The following OPHN1 variants were observed in gnomAD, a reference collection of about 807,000 sequenced individuals.
The protein encoded by OPHN1 is oligophrenin-1.
OPHN1 carries 11 observed loss-of-function variants against 60.7 expected under a neutral mutation model. The ratio of observed to expected loss-of-function variants is 0.18; its 90% confidence interval spans 0.11 to 0.30. The LOEUF (loss-of-function observed/expected upper bound fraction) is 0.30. OPHN1 is among the 10% of genes least tolerant of loss of function. OPHN1 has a pLI of 1.00. For missense variants in OPHN1, 449 were observed against 611.0 expected, an observed-to-expected ratio of 0.73 and a Z score of 2.80; for synonymous variants, 226 against 222.6, an observed-to-expected ratio of 1.02 and a Z score of -0.14.
chrX:68,194,763 G>A (rs1474548910), intron 12 of OPHN1, among the ~76,000 whole-genome samples: 1 of 110,196 alleles, frequency 9.1e-6, no homozygotes, highest in African/African-American at 3.3e-5. Context: ...GAGGTCAGGA[G>A]TTTAAGACCA....
rs556612809 is a variant in OPHN1, at chrX:68,212,654, C to T, written c.598-442G>A. ...GGTGTTTACCCAGTATAGCGCTAAA[C>T]GCAGTCAAACACAAACCAGTCTACA... On this transcript the variant is annotated intron_variant, in intron 7 of 24. Transcript: ENST00000355520. Among the ~76,000 whole-genome samples the T allele has an allele frequency of 3.8e-4, 43 of 112,272 alleles. 1 individual carries two copies. In the South Asian group the frequency reaches 0.011, roughly 30 times the overall value.
At chrX:68,389,258 G>A (rs1394555053) in intron 2 of OPHN1, among the ~76,000 whole-genome samples, 2 of 108,554 alleles carry the variant, frequency 1.8e-5, no homozygotes, top group Non-Finnish European at 3.8e-5. Flanking sequence ...CACCTGGCCA[G>A]AACATGTTTT....
chrX:68,408,118 A>C (rs1004840457), intron 2 of OPHN1, among the ~76,000 whole-genome samples: 5 of 112,025 alleles, frequency 4.5e-5, no homozygotes, highest in Non-Finnish European at 7.5e-5. Flanking sequence ...TGCTTTCTTA[A>C]ATGGTTTTTG....
chrX:68,304,023 A>T (rs1388270722), intron 2 of OPHN1, among the ~76,000 whole-genome samples: 4 of 111,696 alleles, frequency 3.6e-5, no homozygotes, highest in Non-Finnish European at 5.6e-5. Context: ...ATGCAGTGTG[A>T]CTATAGTTAA....
chrX:68,190,124 G>T (rs746318971), intron 15 of OPHN1, among the ~76,000 whole-genome samples: 2 of 111,708 alleles, frequency 1.8e-5, no homozygotes, highest in Non-Finnish European at 1.9e-5. Flanking sequence ...GTGAAAAGAA[G>T]CAAGACAGCT....
intron 19 of OPHN1, among the ~76,000 whole-genome samples, chrX:68,081,197 A>C (rs2147381470): frequency 9.0e-6 from 1 of 111,512 alleles, no homozygotes; most frequent in South Asian, 3.8e-4. Context: ...AAATAATAGA[A>C]CTTTTTTTTT....
At chrX:68,136,879 T>C (rs1042915695) in intron 15 of OPHN1, among the ~76,000 whole-genome samples, 1 of 111,791 alleles carries the variant, frequency 8.9e-6, no homozygotes, top group Non-Finnish European at 1.9e-5. Flanking sequence ...TAAATATGTG[T>C]AAAAATATTT....
intron 7 of OPHN1, among the ~76,000 whole-genome samples, chrX:68,213,277 G>T (rs373031632): frequency 9.0e-6 from 1 of 111,556 alleles, no homozygotes; most frequent in African/African-American, 3.3e-5. Context: ...AGGCTGAGGT[G>T]GGAGGATCAC....
chrX:68,386,932 T>A (rs1041546479), intron 2 of OPHN1, among the ~76,000 whole-genome samples: 1 of 111,504 alleles, frequency 9.0e-6, no homozygotes, highest in Admixed American at 9.6e-5. Flanking sequence ...CAACACCTTG[T>A]TGCCATCTAA....
At chrX:68,056,315 T>G (rs1043117255) in intron 21 of OPHN1, among the ~76,000 whole-genome samples, 1 of 111,236 alleles carries the variant, frequency 9.0e-6, no homozygotes, top group East Asian at 2.8e-4. Flanking sequence ...AACACCCTAG[T>G]AGGTATATGT....
At chrX:68,126,032 C>T (rs1197260843) in intron 15 of OPHN1, among the ~76,000 whole-genome samples, 3 of 99,025 alleles carry the variant, frequency 3.0e-5, no homozygotes, top group Non-Finnish European at 6.1e-5. Context: ...TTTTAAAAAT[C>T]CTTCATCATG....
chrX:68,360,675 C>T (rs771047768), intron 2 of OPHN1, among the ~76,000 whole-genome samples: 1 of 110,709 alleles, frequency 9.0e-6, no homozygotes, highest in East Asian at 2.9e-4. Flanking sequence ...CCCACCCACT[C>T]GGAAGGCTGA....
chrX:68,332,034 C>CATAAATAA (rs751574373), intron 2 of OPHN1, among the ~76,000 whole-genome samples: 44 of 108,478 alleles, frequency 4.1e-4, no homozygotes, highest in East Asian at 4.0e-3. Context: ...GACTCTGTCT[C>CATAAATAA]ATAAATAAAT....
intron 5 of OPHN1, among the ~76,000 whole-genome samples, chrX:68,266,597 A>G (rs1488554102): frequency 8.9e-6 from 1 of 111,831 alleles, no homozygotes; most frequent in Non-Finnish European, 1.9e-5. Flanking sequence ...AAGACTATCA[A>G]TGCTAGGAAG....
chrX:68,355,656 G>T (rs2078436350), intron 2 of OPHN1, among the ~76,000 whole-genome samples: 1 of 112,233 alleles, frequency 8.9e-6, no homozygotes, highest in Admixed American at 9.6e-5. Context: ...TCAAAATACA[G>T]CAATTGCTGG....
intron 15 of OPHN1, among the ~76,000 whole-genome samples, chrX:68,167,230 T>C (rs1353492219): frequency 9.0e-6 from 1 of 111,132 alleles, no homozygotes; most frequent in Non-Finnish European, 1.9e-5. Context: ...AGAAGACAAA[T>C]GGGTATATGA....
intron 4 of OPHN1, among the ~76,000 whole-genome samples, chrX:68,281,809 A>C (rs1569268189): frequency 8.9e-6 from 1 of 112,469 alleles, no homozygotes; most frequent in South Asian, 3.6e-4. Context: ...AGCATATGGA[A>C]AGATGCTCTG....
chrX:68,201,020 A>G (rs1484880081), intron 11 of OPHN1, among the ~76,000 whole-genome samples: 1 of 112,004 alleles, frequency 8.9e-6, no homozygotes, highest in Non-Finnish European at 1.9e-5. Context: ...AGGTTCAAGT[A>G]AAAAAAGAGG....
intron 5 of OPHN1, among the ~76,000 whole-genome samples, chrX:68,269,450 T>C (rs1437148939): frequency 9.0e-6 from 1 of 111,640 alleles, no homozygotes; most frequent in African/African-American, 3.3e-5. Context: ...TACAACCATA[T>C]GATCTTTGAC....
Sources: allele counts gnomAD v4.1 joint callset (sites outside exome capture counted in the v4.1 genomes callset), GRCh38; gene constraint gnomAD v4.1.1; transcripts MANE v1.5; gene names NCBI Gene and HGNC (gene_info 2026-07-23, HGNC 2026-07-21).